TMEM132C: variants seen among roughly 807,000 people sequenced by gnomAD.
TMEM132C encodes the protein transmembrane protein 132C, also known as protein phosphatase 1, regulatory subunit 152.
A neutral mutation model predicts 61.4 loss-of-function variants in TMEM132C; 29 were observed. The observed-to-expected ratio is 0.47, with a 90% confidence interval of 0.35 to 0.64. The LOEUF is 0.64. TMEM132C is among the 30% of genes least tolerant of loss of function. The probability of loss-of-function intolerance (pLI) is 0.00; values close to 1 mark genes in which losing one functional copy is unlikely to be tolerated. For missense variants in TMEM132C, 1,408 were observed against 1,476.9 expected (o/e 0.95, Z 0.76); for synonymous variants, 656 against 633.1 (o/e 1.04, Z -0.54).
intron 2 of TMEM132C, among the ~76,000 whole-genome samples, chr12:128,481,573 A>C (rs571538303): frequency 6.6e-6 from 1 of 152,196 alleles, no homozygotes; most frequent in Admixed American, 6.5e-5. Flanking sequence ...GAGGCCTAGC[A>C]GTGTGCAGTT....
intron 4 of TMEM132C, among the ~76,000 whole-genome samples, chr12:128,661,838 A>T (rs567015441): frequency 6.6e-6 from 1 of 152,364 alleles, no homozygotes; most frequent in South Asian, 2.1e-4. Flanking sequence ...CAGGTTGATG[A>T]AAGTACAATA....
At chr12:128,680,151 T>C (rs540194222) in intron 5 of TMEM132C, among the ~76,000 whole-genome samples, 87 of 152,302 alleles carry the variant, frequency 5.7e-4, no homozygotes, top group African/African-American at 1.9e-3. Context: ...GTTCAGAATT[T>C]TGTTTTACTC....
chr12:128,695,661 A>T (rs1370639549), intron 6 of TMEM132C, among the ~76,000 whole-genome samples, 169 bp from the exon 7 acceptor site: 1 of 152,230 alleles, frequency 6.6e-6, no homozygotes, highest in Non-Finnish European at 1.5e-5. Flanking sequence ...TGAGAAAGAG[A>T]TGCCCATCAC....
chr12:128,545,983 C>T (rs757423585), intron 3 of TMEM132C, among the ~76,000 whole-genome samples: 26 of 152,136 alleles, frequency 1.7e-4, no homozygotes, highest in African/African-American at 6.3e-4. Flanking sequence ...CATGAAAAAT[C>T]CTCAAATTCT....
chr12:128,435,105 T>A (rs1327570310), intron 2 of TMEM132C, among the ~76,000 whole-genome samples: 1 of 152,160 alleles, frequency 6.6e-6, no homozygotes, highest in East Asian at 1.9e-4. Context: ...AGGCAGAGAT[T>A]GGTAATGTCA....
At chr12:128,667,106 G>A (rs1328574092) in intron 4 of TMEM132C, among the ~76,000 whole-genome samples, 1 of 152,198 alleles carries the variant, frequency 6.6e-6, no homozygotes, top group Non-Finnish European at 1.5e-5. Flanking sequence ...TAGAGATAGA[G>A]ATAGAGATAT....
At chr12:128,458,571 C>T (rs1419629123) in intron 2 of TMEM132C, among the ~76,000 whole-genome samples, 1 of 152,040 alleles carries the variant, frequency 6.6e-6, no homozygotes, top group African/African-American at 2.4e-5. Context: ...AGGCACCTTT[C>T]CCATCATGGG....
At chr12:128,389,098 G>C (rs1241752839) in intron 1 of TMEM132C, among the ~76,000 whole-genome samples, 2 of 152,172 alleles carry the variant, frequency 1.3e-5, no homozygotes, top group East Asian at 3.9e-4. Context: ...TACCCAGGGG[G>C]TTGGCAGCCT....
At chr12:128,399,832 G>A (rs1875089277) in intron 1 of TMEM132C, 1 of 152,104 alleles carries the variant, frequency 6.6e-6, no homozygotes, top group Non-Finnish European at 1.5e-5. Flanking sequence ...TTGTTTAATA[G>A]AGAGGCAGTG....
At chr12:128,518,126 C>T (rs1872779929) in intron 2 of TMEM132C, among the ~76,000 whole-genome samples, 1 of 152,226 alleles carries the variant, frequency 6.6e-6, no homozygotes, top group South Asian at 2.1e-4. Flanking sequence ...CAAATATATG[C>T]TGAAGGCTCT....
Position 128,431,433 on chromosome 12 carries a change from A to G in TMEM132C, c.974+15813A>G, listed in dbSNP as rs929552681. ...AAGTGCTGATGAAGAAGCTGCAGCA[A>G]TTGATCCAGAAGATCTAGCTAAGAT... On this transcript the variant is annotated intron_variant, in intron 2 of 8. Transcript: ENST00000435159. Among the ~76,000 whole-genome samples, 4 of 152,276 alleles carry G rather than the reference A, an allele frequency of 2.6e-5. 1 individual carries two copies. The highest frequency in any genetic ancestry group is 4.8e-5 in the African/African-American group (2 of 41,566).
chr12:128,405,861 C>T (rs541419610), intron 1 of TMEM132C, among the ~76,000 whole-genome samples: 3 of 152,150 alleles, frequency 2.0e-5, no homozygotes, highest in Non-Finnish European at 2.9e-5. Context: ...GAGAGCTGCA[C>T]TAGGCAGTCT....
At chr12:128,675,516 T>C (rs1954574442) in intron 5 of TMEM132C, among the ~76,000 whole-genome samples, 1 of 152,218 alleles carries the variant, frequency 6.6e-6, no homozygotes, top group Non-Finnish European at 1.5e-5. Flanking sequence ...TTCAAACTTA[T>C]CTCAAAGGTT....
At chr12:128,647,147 G>T (rs181789186) in intron 4 of TMEM132C, among the ~76,000 whole-genome samples, 1 of 151,654 alleles carries the variant, frequency 6.6e-6, no homozygotes, top group Admixed American at 6.6e-5. Context: ...ATGTGAGTGT[G>T]TTTACTGGAG....
intron 1 of TMEM132C, among the ~76,000 whole-genome samples, chr12:128,329,396 C>A (rs1405742475): frequency 2.0e-5 from 3 of 152,096 alleles, no homozygotes; most frequent in Admixed American, 2.0e-4. Flanking sequence ...GGACCGAGGA[C>A]TGCAAAGCCT....
At chr12:128,601,576 A>AGCTTGTGAGAAAGTAATTGCCTTT (rs1555235126) in intron 3 of TMEM132C, among the ~76,000 whole-genome samples, 1 of 152,110 alleles carries the variant, frequency 6.6e-6, no homozygotes, top group Admixed American at 6.5e-5. Context: ...GATGTCATGA[A>AGCTTGTGAGAAAGTAATTGCCTTT]TAAGTGAGCC....
At chr12:128,484,454 A>G (rs1271592168) in intron 2 of TMEM132C, among the ~76,000 whole-genome samples, 1 of 152,202 alleles carries the variant, frequency 6.6e-6, no homozygotes, top group East Asian at 1.9e-4. Flanking sequence ...GGGACCTTCC[A>G]TGTTCCATAT....
In TMEM132C at chr12:128,297,844, C is replaced by T. The variant is rs142069337; in HGVS notation, c.85+30357C>T. On this transcript the variant is annotated intron_variant, in intron 1 of 8. Coordinates refer to ENST00000435159, the MANE Select transcript of TMEM132C (RefSeq NM_001136103.3). ...AAGCACTGAAAATAAATTATGGGGCCCTGCTCAACCTGTCTACAATTCACA... is the reference window on the plus strand; with the variant it reads ...AAGCACTGAAAATAAATTATGGGGCTCTGCTCAACCTGTCTACAATTCACA... Among the ~76,000 whole-genome samples, 104 of 152,222 alleles carry T rather than the reference C, an allele frequency of 6.8e-4. No individual in the cohort carries two copies. The East Asian group carries it at 0.018, about 27-fold the overall frequency.
chr12:128,669,104 CA>C (rs1429621598), intron 4 of TMEM132C, among the ~76,000 whole-genome samples: 1 of 152,128 alleles, frequency 6.6e-6, no homozygotes, highest in African/African-American at 2.4e-5. Flanking sequence ...TGCTTACAAC[CA>C]AACCTAACTG....
Sources: allele counts gnomAD v4.1 joint callset (sites outside exome capture counted in the v4.1 genomes callset), GRCh38; gene constraint gnomAD v4.1.1; transcripts MANE v1.5; gene names NCBI Gene and HGNC (gene_info 2026-07-23, HGNC 2026-07-21).